Variants in PCDH15 observed in about 807,000 individuals in gnomAD.
PCDH15 encodes the protein protocadherin related 15.
Under a neutral mutation model 178.5 loss-of-function variants are expected in PCDH15, and 129 were observed. The observed-to-expected ratio is 0.72, with a 90% CI of 0.63 to 0.84. The LOEUF (loss-of-function observed/expected upper bound fraction) is 0.84, where lower values mean the gene tolerates loss of function less well. Among genes scored for constraint, PCDH15 ranks in the 40% least tolerant of loss-of-function variants. The pLI, the probability that PCDH15 is intolerant of heterozygous loss-of-function variation, is 0.00. For synonymous variants in PCDH15, 800 were observed against 732.0 expected, an observed-to-expected ratio of 1.09 and a Z score of -1.50; for missense variants, 2,230 against 2,099.9, an observed-to-expected ratio of 1.06 and a Z score of -1.21.
chr10:55,257,072 C>T (rs1320778347), intron 1 of PCDH15, among the ~76,000 whole-genome samples: 14 of 152,162 alleles, frequency 9.2e-5, no homozygotes, highest in Non-Finnish European at 7.3e-5. Flanking sequence ...TCACCAATAT[C>T]CACTGTTCTG....
intron 2 of PCDH15, among the ~76,000 whole-genome samples, chr10:54,662,397 C>T (rs1328915369): frequency 1.3e-5 from 2 of 151,720 alleles, no homozygotes. Flanking sequence ...TCATATATAT[C>T]CTCAAATTCA....
At chr10:55,137,233 G>A (rs1857445) in intron 2 of PCDH15, among the ~76,000 whole-genome samples, 58,765 of 151,530 alleles carry the variant, frequency 0.39, 12,095 homozygotes, top group African/African-American at 0.53. Context: ...TACAATGGTT[G>A]TCTCATAAGA....
chr10:55,478,954 T>G (rs1012702714), intron 2 of PCDH15, among the ~76,000 whole-genome samples: 1 of 147,554 alleles, frequency 6.8e-6, no homozygotes, highest in African/African-American at 2.5e-5. Flanking sequence ...AAAAAAAAAC[T>G]TTAACAAACT....
intron 1 of PCDH15, among the ~76,000 whole-genome samples, chr10:55,172,506 T>C (rs978279213): frequency 3.9e-5 from 6 of 151,988 alleles, no homozygotes; most frequent in Non-Finnish European, 8.8e-5. Context: ...TAACAAGATG[T>C]GCAATGAATG....
chr10:55,292,996 T>C (rs1244485493), intron 1 of PCDH15, among the ~76,000 whole-genome samples: 2 of 152,204 alleles, frequency 1.3e-5, no homozygotes, highest in African/African-American at 4.8e-5. Flanking sequence ...ATTTCCCTTC[T>C]GTACTGCCCT....
Position 54,655,292 on chromosome 10 carries a change from G to GAGAGAC in PCDH15, c.91+8879_91+8880insGTCTCT, listed in dbSNP as rs1555126786. Among the ~76,000 whole-genome samples, 56 of 121,158 alleles carry GAGAGAC rather than the reference G, an allele frequency of 4.6e-4. No homozygotes were observed. In the East Asian group the frequency reaches 6.4e-3, roughly 14 times the overall value. 79.5% of individuals were successfully genotyped at this position (121,158 alleles called of 152,430 possible). ...AGAGAGAGAGAGAGAGAGAGAGAGA[G>GAGAGAC]AGAGAGAGAGACAGAGAGAGAGACA... is the stretch of plus-strand genomic sequence containing the variant. On this transcript the variant is annotated intron_variant, in intron 2 of 37. Coordinates refer to ENST00000644397, the MANE Select transcript of PCDH15 (RefSeq NM_001384140.1).
At chr10:55,541,121 T>C (rs1182686713) in intron 2 of PCDH15, among the ~76,000 whole-genome samples, 2 of 152,036 alleles carry the variant, frequency 1.3e-5, no homozygotes, top group Non-Finnish European at 2.9e-5. Context: ...ACTTTGCAAA[T>C]AGAGGCTAAG....
At chr10:54,120,335 C>T (rs1439676305) in intron 15 of PCDH15, among the ~76,000 whole-genome samples, 1 of 152,030 alleles carries the variant, frequency 6.6e-6, no homozygotes, top group African/African-American at 2.4e-5. Context: ...GCCCACAGAC[C>T]CTATAAAGCA....
intron 2 of PCDH15, among the ~76,000 whole-genome samples, chr10:55,113,836 G>A (rs569507998): frequency 3.9e-5 from 6 of 152,308 alleles, no homozygotes; most frequent in Non-Finnish European, 8.8e-5. Context: ...AGAGAGGTAT[G>A]TAGATCTTGT....
intron 1 of PCDH15, among the ~76,000 whole-genome samples, chr10:55,311,726 C>T (rs1004596297): frequency 2.0e-5 from 3 of 152,088 alleles, no homozygotes; most frequent in East Asian, 1.9e-4. Context: ...CTCTTCTTTG[C>T]GGCTAAAGGA....
intron 2 of PCDH15, chr10:55,599,878 C>A: frequency 2.7e-6 from 4 of 1,465,850 alleles, no homozygotes; most frequent in Non-Finnish European, 3.6e-6. Flanking sequence ...ATCACTTGTT[C>A]CCTAAGTAGG....
At chr10:54,983,891 T>C (rs952883814) in intron 2 of PCDH15, among the ~76,000 whole-genome samples, 1 of 152,138 alleles carries the variant, frequency 6.6e-6, no homozygotes. Flanking sequence ...AAAACAGAGA[T>C]AACACAATTG....
chr10:55,166,945 A>G (rs1159974360), intron 1 of PCDH15, among the ~76,000 whole-genome samples: 3 of 152,152 alleles, frequency 2.0e-5, no homozygotes, highest in African/African-American at 7.2e-5. Context: ...CCACCTGCAT[A>G]TTTGGTATGA....
At chr10:53,918,707 TACACAAACACACACACACACACACACAC>T (rs1055399459) in intron 25 of PCDH15, among the ~76,000 whole-genome samples, 5 of 124,120 alleles carry the variant, frequency 4.0e-5, no homozygotes, top group African/African-American at 1.6e-4. Flanking sequence ...TTAATGCAAA[TACACAAACACACACACACACACACACAC>T]ACACACACAC....
chr10:54,260,668 C>T (rs2057250885), intron 8 of PCDH15, among the ~76,000 whole-genome samples: 1 of 152,072 alleles, frequency 6.6e-6, no homozygotes, highest in African/African-American at 2.4e-5. Flanking sequence ...GCAACCTCCA[C>T]CTCCCCGGTT....
chr10:54,957,402 A>G (rs1463275022), intron 2 of PCDH15, among the ~76,000 whole-genome samples: 3 of 151,694 alleles, frequency 2.0e-5, no homozygotes, highest in Non-Finnish European at 4.4e-5. Flanking sequence ...CTTAAGTTCA[A>G]TATGAAAGAC....
chr10:55,168,022 A>C (rs1418064181), intron 1 of PCDH15, among the ~76,000 whole-genome samples: 1 of 152,184 alleles, frequency 6.6e-6, no homozygotes, highest in African/African-American at 2.4e-5. Flanking sequence ...AATTTTTATA[A>C]TACTTTGGGG....
At chr10:53,851,716 A>ATATATATATATT (rs2078384982) in intron 28 of PCDH15, among the ~76,000 whole-genome samples, 1 of 134,986 alleles carries the variant, frequency 7.4e-6, no homozygotes, top group Non-Finnish European at 1.6e-5. Flanking sequence ...ATATATATAT[A>ATATATATATATT]TATATATTTA....
At chr10:54,993,686 G>A (rs772289914) in intron 2 of PCDH15, among the ~76,000 whole-genome samples, 5 of 152,106 alleles carry the variant, frequency 3.3e-5, no homozygotes, top group Non-Finnish European at 5.9e-5. Context: ...AAACACAAGT[G>A]AGGTAGAGCC....
Sources: gnomAD v4.1 joint callset for allele counts (sites outside exome capture counted in the v4.1 genomes callset) on GRCh38, gnomAD v4.1.1 for gene constraint, MANE v1.5 for transcripts, NCBI Gene and HGNC (gene_info 2026-07-23, HGNC 2026-07-21) for gene names.